The following RAB38 variants were observed in gnomAD, a reference collection of about 807,000 sequenced individuals.
The protein encoded by RAB38 is ras-related protein Rab-38.
RAB38 carries 15 observed loss-of-function variants against 18.4 expected under a neutral mutation model. The ratio of observed to expected loss-of-function variants is 0.82; its 90% CI spans 0.55 to 1.26. RAB38 has a LOEUF of 1.26. Ranked by LOEUF, RAB38 falls within the 50% of genes most tolerant of loss-of-function variation. The pLI is 0.00. For synonymous variants in RAB38, 101 were observed against 104.4 expected (o/e 0.97, Z 0.20); for missense variants, 294 against 267.4 (o/e 1.10, Z -0.69).
the RAB38 span, among the ~76,000 whole-genome samples, chr11:87,832,230 T>C: frequency 1.0e-3 from 155 of 152,326 alleles, no homozygotes; most frequent in African/African-American, 3.6e-3. Context: ...GCTTACACTC[T>C]ATGAGGAAGA....
the RAB38 span, among the ~76,000 whole-genome samples, chr11:87,956,775 G>A: frequency 3.3e-5 from 5 of 151,864 alleles, no homozygotes; most frequent in African/African-American, 7.3e-5. Flanking sequence ...CATAAGACCC[G>A]CATTCCAGAG....
chr11:87,938,639 G>GTTT, the RAB38 span, among the ~76,000 whole-genome samples: 58 of 55,020 alleles, frequency 1.1e-3, no homozygotes, highest in Admixed American at 2.5e-3. Context: ...TTTTGATTTT[G>GTTT]TTGTTGTTGT....
the RAB38 span, among the ~76,000 whole-genome samples, chr11:87,866,827 C>T: frequency 6.6e-6 from 1 of 151,726 alleles, no homozygotes; most frequent in African/African-American, 2.4e-5. Flanking sequence ...AAGGAGCATT[C>T]AACTGAACAT....
chr11:87,879,324 C>G, the RAB38 span: 1 of 150,276 alleles, frequency 6.7e-6, no homozygotes. Flanking sequence ...TAGCACCAGG[C>G]ATAAGGGACA....
chr11:87,939,235 A>C, the RAB38 span, among the ~76,000 whole-genome samples: 3 of 152,114 alleles, frequency 2.0e-5, no homozygotes, highest in Non-Finnish European at 4.4e-5. Flanking sequence ...TGTCTCTTCA[A>C]TTATGAGTGC....
At chr11:87,821,773 C>T in the RAB38 span, among the ~76,000 whole-genome samples, 303 of 151,598 alleles carry the variant, frequency 2.0e-3, no homozygotes, top group Non-Finnish European at 3.5e-3. Flanking sequence ...ATCGCTTGCA[C>T]CCGGTGGGCA....
At chr11:87,913,881 G>A in the RAB38 span, among the ~76,000 whole-genome samples, 1 of 152,044 alleles carries the variant, frequency 6.6e-6, no homozygotes, top group Admixed American at 6.6e-5. Flanking sequence ...ACTCTACAGA[G>A]AGTTCCGCCG....
Position 88,175,245 on chromosome 11 carries a change from G to C in RAB38, c.140C>G (p.Ala47Gly). The C allele has an allele frequency of 6.2e-7, 1 of 1,614,118 alleles. No individual in the cohort carries two copies. The highest frequency in any genetic ancestry group is 8.5e-7 in the Non-Finnish European group (1 of 1,180,018). Residue 47 changes from alanine (A) to glycine (G), a missense_variant, in exon 1 of 3, where the codon GCG becomes GGG. Physicochemically the swap from Ala to Gly is moderately conservative, Grantham distance 60. Coordinates refer to ENST00000243662, the MANE Select transcript of RAB38 (RefSeq NM_022337.3). Reference sequence around the variant, plus strand: ...CGGGTCCCAGTGGAGCACCTTGAGCGCGAAGTCCACGCCGATTGTGGCCCG... The same window carrying C: ...CGGGTCCCAGTGGAGCACCTTGAGCCCGAAGTCCACGCCGATTGTGGCCCG... Reference protein sequence around the residue: ...HYRATIGVDFALKVLHWDPET... With the variant: ...HYRATIGVDFGLKVLHWDPET...
chr11:88,146,114 C>T (rs1942981785), intron 2 of RAB38, among the ~76,000 whole-genome samples: 1 of 152,114 alleles, frequency 6.6e-6, no homozygotes, highest in South Asian at 2.1e-4. Flanking sequence ...CCAGGGGCTA[C>T]CATGATTGCT....
At chr11:88,009,020 A>T in the RAB38 span, among the ~76,000 whole-genome samples, 3 of 152,228 alleles carry the variant, frequency 2.0e-5, no homozygotes, top group Non-Finnish European at 2.9e-5. Context: ...CAAAAATGCA[A>T]AACAATAAAA....
the RAB38 span, among the ~76,000 whole-genome samples, chr11:88,094,821 C>A: frequency 6.6e-6 from 1 of 152,016 alleles, no homozygotes; most frequent in Admixed American, 6.6e-5. Flanking sequence ...TTATATATTT[C>A]TTTATGTATA....
At chr11:88,072,427 A>G in the RAB38 span, among the ~76,000 whole-genome samples, 2 of 152,214 alleles carry the variant, frequency 1.3e-5, no homozygotes, top group East Asian at 1.9e-4. Flanking sequence ...ATAAAGCATC[A>G]CAGAACTGTG....
chr11:87,823,131 T>C, the RAB38 span, among the ~76,000 whole-genome samples: 787 of 152,270 alleles, frequency 5.2e-3, 10 homozygotes, highest in African/African-American at 0.018. Flanking sequence ...ATTTGAGTCA[T>C]GTAATTAAGA....
At chr11:87,890,903 C>G in the RAB38 span, among the ~76,000 whole-genome samples, 9,260 of 151,748 alleles carry the variant, frequency 0.061, 377 homozygotes, top group Non-Finnish European at 0.09. Flanking sequence ...ACATGGGAAC[C>G]CTTGTTAAAA....
the RAB38 span, among the ~76,000 whole-genome samples, chr11:87,968,439 G>T: frequency 6.6e-6 from 1 of 152,162 alleles, no homozygotes. Context: ...AAAGAGAAGT[G>T]ATCAGAAGTA....
chr11:88,121,299 T>C (rs1942625344), intron 2 of RAB38, among the ~76,000 whole-genome samples: 1 of 152,222 alleles, frequency 6.6e-6, no homozygotes, highest in Non-Finnish European at 1.5e-5. Context: ...ACAGTAATAT[T>C]ACCAAAAATA....
At chr11:87,806,253 T>C in the RAB38 span, among the ~76,000 whole-genome samples, 1 of 152,186 alleles carries the variant, frequency 6.6e-6, no homozygotes, top group Non-Finnish European at 1.5e-5. Flanking sequence ...TCATGGCTTG[T>C]AAATGGGAGA....
At chr11:88,171,726 A>T (rs911845535) in intron 1 of RAB38, among the ~76,000 whole-genome samples, 1 of 152,212 alleles carries the variant, frequency 6.6e-6, no homozygotes, top group Non-Finnish European at 1.5e-5. Context: ...CAGAGTCCCA[A>T]AGCACATCAA....
the RAB38 span, among the ~76,000 whole-genome samples, chr11:87,974,630 A>C: frequency 1.3e-5 from 2 of 151,848 alleles, no homozygotes; most frequent in African/African-American, 4.8e-5. Flanking sequence ...CACACCCAAG[A>C]AGCTCAGAAA....
Sources: allele counts gnomAD v4.1 joint callset (sites outside exome capture counted in the v4.1 genomes callset), GRCh38; gene constraint gnomAD v4.1.1; transcripts MANE v1.5; gene names NCBI Gene and HGNC (gene_info 2026-07-23, HGNC 2026-07-21).